ASTN2: variants seen among roughly 807,000 people sequenced by gnomAD.
The protein encoded by ASTN2 is astrotactin 2.
ASTN2 carries 54 observed loss-of-function variants against 139.8 expected under a neutral mutation model. The observed-to-expected ratio is 0.39, with a 90% CI of 0.31 to 0.48. ASTN2 has a LOEUF of 0.48. Among genes scored for constraint, ASTN2 ranks in the 20% least tolerant of loss-of-function variants. ASTN2 has a pLI of 0.95. For synonymous variants in ASTN2, 756 were observed against 719.5 expected, an observed-to-expected ratio of 1.05 and a Z score of -0.81; for missense variants, 1,565 against 1,725.1, an observed-to-expected ratio of 0.91 and a Z score of 1.64.
chr9:116,871,643 T>A (rs1463929701), intron 10 of ASTN2, among the ~76,000 whole-genome samples: 1 of 152,238 alleles, frequency 6.6e-6, no homozygotes, highest in East Asian at 1.9e-4. Context: ...GTATCACTAC[T>A]TCATTCCTTT....
intron 5 of ASTN2, among the ~76,000 whole-genome samples, chr9:117,091,598 G>T (rs551474512): frequency 6.6e-6 from 1 of 151,974 alleles, no homozygotes. Flanking sequence ...TGAGTCAAAC[G>T]GCAGGGAAGA....
intron 10 of ASTN2, among the ~76,000 whole-genome samples, chr9:116,904,018 A>G (rs1229087014): frequency 6.6e-6 from 1 of 152,168 alleles, no homozygotes. Context: ...AGCCTCCCCT[A>G]GTCTCCCAGG....
chr9:117,287,839 G>T (rs766387387), intron 2 of ASTN2, among the ~76,000 whole-genome samples: 3 of 152,168 alleles, frequency 2.0e-5, no homozygotes, highest in Non-Finnish European at 4.4e-5. Context: ...GTGCCAGCCT[G>T]GGTATTAGGC....
intron 10 of ASTN2, among the ~76,000 whole-genome samples, chr9:116,911,550 C>T (rs1834309992): frequency 6.6e-6 from 1 of 152,140 alleles, no homozygotes. Context: ...TTGTACAGCA[C>T]CAATGCTGGT....
At chr9:116,862,780 T>G (rs2132339546) in intron 11 of ASTN2, among the ~76,000 whole-genome samples, 1 of 148,940 alleles carries the variant, frequency 6.7e-6, no homozygotes, top group South Asian at 2.2e-4. Context: ...CCCAAGTGTA[T>G]TTTCAAGATA....
chr9:117,373,954 ACAG>A (rs1179257000), intron 1 of ASTN2, among the ~76,000 whole-genome samples: 2 of 152,234 alleles, frequency 1.3e-5, no homozygotes, highest in Non-Finnish European at 2.9e-5. Flanking sequence ...TCACTGAAGA[ACAG>A]CAGCAGAACA....
chr9:116,553,168 G>A (rs1852432275), intron 19 of ASTN2, among the ~76,000 whole-genome samples: 1 of 152,070 alleles, frequency 6.6e-6, no homozygotes, highest in Admixed American at 6.6e-5. Context: ...GCTGGTTTGA[G>A]GAAGATTCTG....
chr9:117,334,014 C>T (rs1423338861), intron 1 of ASTN2, among the ~76,000 whole-genome samples: 1 of 152,134 alleles, frequency 6.6e-6, no homozygotes, highest in Non-Finnish European at 1.5e-5. Flanking sequence ...TACCAGAGGT[C>T]AACAAACTTT....
At chr9:116,817,165 G>A (rs973701026) in intron 12 of ASTN2, among the ~76,000 whole-genome samples, 2 of 151,820 alleles carry the variant, frequency 1.3e-5, no homozygotes, top group East Asian at 3.9e-4. Flanking sequence ...GTGGTGGCAC[G>A]CACCTATAGT....
intron 18 of ASTN2, among the ~76,000 whole-genome samples, chr9:116,619,770 A>G (rs534419471): frequency 3.0e-4 from 43 of 144,564 alleles, no homozygotes; most frequent in Admixed American, 7.9e-4. Context: ...GCCTCAAGAG[A>G]TCCTCCCACC....
At chr9:117,212,835 C>A (rs80331145) in intron 3 of ASTN2, among the ~76,000 whole-genome samples, 2 of 152,034 alleles carry the variant, frequency 1.3e-5, no homozygotes, top group African/African-American at 4.8e-5. Flanking sequence ...CACTGTCATG[C>A]GAATGTAAAC....
At position 116,801,303 on chromosome 9, in the gene ASTN2, C is replaced by T. The variant is rs542903937; in HGVS notation, c.2396+4329G>A. Among the ~76,000 whole-genome samples the T allele has an allele frequency of 3.0e-4, 46 of 152,206 alleles. No individual in the cohort carries two copies. The South Asian group carries it at 8.3e-3, about 27-fold the overall frequency. Reference sequence around the variant, plus strand: ...AGACTTGAAAAAGATAAATTTACGGCTGGGCGGGGTGGCTCACGCCTGTAA... The same window carrying T: ...AGACTTGAAAAAGATAAATTTACGGTTGGGCGGGGTGGCTCACGCCTGTAA... On this transcript the variant is annotated intron_variant, in intron 13 of 22. Transcript: ENST00000313400.
intron 19 of ASTN2, among the ~76,000 whole-genome samples, chr9:116,532,611 A>C (rs1851406374): frequency 6.6e-6 from 1 of 152,222 alleles, no homozygotes; most frequent in Admixed American, 6.5e-5. Context: ...CCATTTGTTA[A>C]ATAAGGAATC....
intron 19 of ASTN2, chr9:116,612,684 A>C (rs1028161591): frequency 6.6e-6 from 1 of 152,188 alleles, no homozygotes; most frequent in Non-Finnish European, 1.5e-5. Flanking sequence ...AGAACAGGAC[A>C]CAACATACCA....
intron 16 of ASTN2, chr9:116,697,877 C>G (rs1378577845): frequency 6.2e-7 from 1 of 1,614,080 alleles, no homozygotes; most frequent in East Asian, 2.2e-5. Flanking sequence ...CCATCTGCCG[C>G]CAGTGCCTGG....
At position 116,846,215 on chromosome 9, in the gene ASTN2, G is replaced by A. The variant is rs1832427345; in HGVS notation, c.2040+17368C>T. ...CAGGGGCTGGGGGAAGGGAGAATGA[G>A]GAATTATTTAATGGGTATAGAGTTT... On this transcript the variant is annotated intron_variant, in intron 11 of 22. Coordinates refer to ENST00000313400, the MANE Select transcript of ASTN2 (RefSeq NM_001365068.1). Among the ~76,000 whole-genome samples the A allele has an allele frequency of 3.9e-5, 6 of 152,132 alleles. No homozygotes were observed. In the South Asian group the frequency reaches 1.2e-3, roughly 32 times the overall value.
chr9:116,734,821 G>A (rs911175703), intron 13 of ASTN2, among the ~76,000 whole-genome samples: 3 of 152,068 alleles, frequency 2.0e-5, no homozygotes, highest in African/African-American at 7.2e-5. Context: ...CACCTTTGAA[G>A]CTCATCATCA....
intron 22 of ASTN2, among the ~76,000 whole-genome samples, chr9:116,427,833 G>GC (rs897482219): frequency 4.1e-4 from 62 of 152,104 alleles, no homozygotes; most frequent in East Asian, 2.1e-3. Context: ...TCGGGCAAGT[G>GC]CCCCCCCCAA....
At chr9:117,138,732 A>G (rs1480107243) in intron 4 of ASTN2, among the ~76,000 whole-genome samples, 1 of 152,210 alleles carries the variant, frequency 6.6e-6, no homozygotes, top group Non-Finnish European at 1.5e-5. Flanking sequence ...AAGAGATACA[A>G]ATAAATTTCT....
Sources: gnomAD v4.1 joint callset for allele counts (sites outside exome capture counted in the v4.1 genomes callset) on GRCh38, gnomAD v4.1.1 for gene constraint, MANE v1.5 for transcripts, NCBI Gene and HGNC (gene_info 2026-07-23, HGNC 2026-07-21) for gene names.